RMND5A: variants seen among roughly 807,000 people sequenced by gnomAD.
The protein encoded by RMND5A is required for meiotic nuclear division 5 homolog A, also known as E3 ubiquitin-protein transferase RMND5A.
In RMND5A, 17 loss-of-function variants were observed where a neutral mutation model predicts 49.7. The observed-to-expected ratio is 0.34, with a 90% CI of 0.23 to 0.51. RMND5A has a LOEUF of 0.51. Ranked by LOEUF, RMND5A falls within the 20% of genes least tolerant of loss-of-function variation. RMND5A has a pLI of 0.96. For synonymous variants in RMND5A, 156 were observed against 167.7 expected (o/e 0.93, Z 0.54); for missense variants, 255 against 471.3 (o/e 0.54, Z 4.25).
intron 4 of RMND5A, among the ~76,000 whole-genome samples, chr2:86,758,486 A>G (rs1681786932): frequency 6.6e-6 from 1 of 152,162 alleles, no homozygotes. Context: ...GTGATGCAGC[A>G]TTGAATATCC....
In RMND5A at chr2:86,775,449, G is replaced by A. The variant is rs189444426; in HGVS notation, c.*2038G>A. 3 of 148,090 alleles carry A rather than the reference G, an allele frequency of 2.0e-5. No individual in the cohort carries two copies. Among genetic ancestry groups the A allele is most frequent in the African/African-American group, 5.0e-5 (2 of 40,214 alleles). The allele number at this position is 148,090 out of a possible 1,614,324, so 9.2% of individuals were successfully genotyped here. A position where few individuals can be genotyped will look rare whatever the true frequency, so the allele number is the denominator to read the frequency against. On this transcript the variant is annotated 3_prime_UTR_variant, in exon 9 of 9. Coordinates refer to ENST00000283632, the MANE Select transcript of RMND5A (RefSeq NM_022780.4). The stretch of plus-strand genomic sequence containing the variant: ...CCTGTAAGGTTTGAATGAGACAGAT[G>A]TACTCTGAAGGCTGGTGGTAAATGT...
chr2:86,746,322 C>A (rs939648345), intron 2 of RMND5A, among the ~76,000 whole-genome samples: 1 of 152,178 alleles, frequency 6.6e-6, no homozygotes, highest in African/African-American at 2.4e-5. Flanking sequence ...AATAAGGATT[C>A]TTTTAAATAC....
Position 86,765,126 on chromosome 2 carries a change from C to T in RMND5A, c.621C>T (p.Thr207=). 6.2e-7 allele frequency: 1 copy of T among 1,613,992 alleles called. No homozygotes were observed. The highest frequency in any genetic ancestry group is 8.5e-7 in the Non-Finnish European group (1 of 1,179,974). ...TTATTAGCTTGTTAATGGGTGGAAC[C>T]ACAAATCAGCGAGAGGCATTACAAT... ...LYFISLLMGG[T]TNQREALQYA... Residue 207 remains threonine, a synonymous_variant, in exon 5 of 9, where the codon ACC becomes ACT. Transcript: ENST00000283632.
At chr2:86,760,691 G>T (rs1240484977) in intron 4 of RMND5A, among the ~76,000 whole-genome samples, 4 of 152,158 alleles carry the variant, frequency 2.6e-5, no homozygotes, top group Non-Finnish European at 1.5e-5. Flanking sequence ...TACAAAAATG[G>T]ATAATTGGAA....
rs1055110386 is a variant in RMND5A, at chr2:86,775,880, A to G, written c.*2469A>G. 2 of 152,254 alleles carry G rather than the reference A, an allele frequency of 1.3e-5. No homozygotes were observed. The highest frequency in any genetic ancestry group is 1.5e-5 in the Non-Finnish European group (1 of 68,054). The allele number at this position is 152,254 out of a possible 1,614,324, so 9.4% of individuals were successfully genotyped here. ...CTGTCCCCCCTGCCCTAGAAACTCC[A>G]TAAATGCTGTCACAACCCTATCATC... On this transcript the variant is annotated 3_prime_UTR_variant, in exon 9 of 9. Coordinates refer to ENST00000283632, the MANE Select transcript of RMND5A (RefSeq NM_022780.4).
chr2:86,767,243 T>C (rs1372257008), intron 6 of RMND5A, among the ~76,000 whole-genome samples: 1 of 152,048 alleles, frequency 6.6e-6, no homozygotes, highest in Non-Finnish European at 1.5e-5. Context: ...TTTGTATTTT[T>C]AGTAGAGACA....
At chr2:86,744,432 G>T (rs144638636) in intron 2 of RMND5A, among the ~76,000 whole-genome samples, 1 of 152,118 alleles carries the variant, frequency 6.6e-6, no homozygotes. Flanking sequence ...TAATAAACTG[G>T]AATGTCCATC....
At chr2:86,747,160 C>A (rs557922675) in intron 2 of RMND5A, among the ~76,000 whole-genome samples, 1 of 152,334 alleles carries the variant, frequency 6.6e-6, no homozygotes, top group South Asian at 2.1e-4. Flanking sequence ...CCTGCTTCCT[C>A]ATTTCTCACC....
rs1162535127 is a variant in RMND5A at position 86,777,379 on chromosome 2, G to A, written c.*3968G>A. 4 of 152,180 alleles carry A rather than the reference G, an allele frequency of 2.6e-5. No homozygotes were observed. Among genetic ancestry groups the A allele is most frequent in the African/African-American group, 9.7e-5 (4 of 41,422 alleles). The allele number at this position is 152,180 out of a possible 1,614,324, so 9.4% of individuals were successfully genotyped here. Reference sequence around the variant, plus strand: ...AAGGGGCGGGAATGAATGTGTTGGGGCTGGGAGGGAAGCAGAAGAAAATGG... The same window carrying A: ...AAGGGGCGGGAATGAATGTGTTGGGACTGGGAGGGAAGCAGAAGAAAATGG... On this transcript the variant is annotated 3_prime_UTR_variant, in exon 9 of 9. Transcript: ENST00000283632.
chr2:86,720,904 C>G, intron 1 of RMND5A, 95 bp downstream of exon 1: 2 of 1,241,636 alleles, frequency 1.6e-6, no homozygotes, highest in Non-Finnish European at 2.1e-6. Context: ...CCTCGCGCCT[C>G]TGGCCCGGCC....
At position 86,753,889 on chromosome 2, in the gene RMND5A, C is replaced by T. The variant is rs544446450; in HGVS notation, c.521+331C>T. 5.9e-4 allele frequency among the ~76,000 whole-genome samples: 90 copies of T among 152,208 alleles called. 1 individual carries two copies. The highest frequency in any genetic ancestry group is 3.4e-3 in the Middle Eastern group (1 of 294). ...AGCCAGTGCAAGTTTGATATTTAAG[C>T]TTCCTTCATGTGCTGGGTTTTGCTG... On this transcript the variant is annotated intron_variant, in intron 4 of 8. Transcript: ENST00000283632.
chr2:86,771,656 G>C lies in RMND5A; in HGVS notation c.1056G>C (p.Leu352Phe). 6.2e-7 allele frequency: 1 copy of C among 1,613,402 alleles called. No homozygotes were observed. The highest frequency in any genetic ancestry group is 8.5e-7 in the Non-Finnish European group (1 of 1,179,664). ...CAGATAACAATCCACCCATGAAATT[G>C]GTCTGTGGTCATATTATATCAAGAG... is the stretch of plus-strand genomic sequence containing the variant. ...QTTDNNPPMK[L>F]VCGHIISRDA... Residue 352 changes from leucine to phenylalanine, a missense_variant, in exon 8 of 9, where the codon TTG becomes TTC. Coordinates refer to ENST00000283632, the MANE Select transcript of RMND5A (RefSeq NM_022780.4).
chr2:86,762,408 G>A (rs1398683337), intron 4 of RMND5A, among the ~76,000 whole-genome samples: 1 of 152,092 alleles, frequency 6.6e-6, no homozygotes, highest in East Asian at 1.9e-4. Context: ...ACTTTGGGAG[G>A]CCAAGGTGGG....
chr2:86,753,327 C>T (rs1030636698), intron 3 of RMND5A, 131 bp from the exon 4 acceptor site: 5 of 554,914 alleles, frequency 9.0e-6, no homozygotes, highest in Non-Finnish European at 1.6e-5. Context: ...AGGGGGCAGT[C>T]ATCAGTCTCT....
intron 5 of RMND5A, 53 bp downstream of exon 5, chr2:86,765,246 CT>C: frequency 6.8e-7 from 1 of 1,465,110 alleles, no homozygotes; most frequent in Non-Finnish European, 9.3e-7. Context: ...ATAGCCACCA[CT>C]GTAACTTAAC....
In RMND5A at chr2:86,721,238, G is replaced by A. The variant is rs560491946; in HGVS notation, c.142+429G>A. 16 of 174,572 alleles carry A rather than the reference G, an allele frequency of 9.2e-5. No individual in the cohort carries two copies. The South Asian group carries it at 1.6e-3, about 18-fold the overall frequency. The allele number at this position is 174,572 out of a possible 1,614,324, so 10.8% of individuals were successfully genotyped here. ...GGACCCCAGGTTCTGAGTGATGAGG[G>A]CAGTGCAGGAAGCTCCGTTTCCCCT... On this transcript the variant is annotated intron_variant, in intron 1 of 8. Coordinates refer to ENST00000283632, the MANE Select transcript of RMND5A (RefSeq NM_022780.4).
chr2:86,759,612 G>GCCC (rs144501224), intron 4 of RMND5A, among the ~76,000 whole-genome samples: 4 of 146,140 alleles, frequency 2.7e-5, no homozygotes, highest in Non-Finnish European at 6.0e-5. Flanking sequence ...TAGTTTGCTT[G>GCCC]CCCCCCCGCC....
intron 7 of RMND5A, among the ~76,000 whole-genome samples, chr2:86,770,945 ATTTG>A (rs1185794590): frequency 2.0e-5 from 3 of 152,222 alleles, no homozygotes; most frequent in African/African-American, 7.2e-5. Flanking sequence ...TAACATACGC[ATTTG>A]TTTTTTTGCC....
In RMND5A at chr2:86,751,913, T is replaced by C. The variant is rs201728271; in HGVS notation, c.303T>C (p.Ile101=). ...TTCCCCAGAATTTTGATTCTGACAT[T>C]AGCAGTGTGGGAATAGATGGCTGCT... ...KAIDKNFDSD[I]SSVGIDGCWQ... is the part of the protein sequence containing the mutation. Residue 101 remains isoleucine, a synonymous_variant, in exon 3 of 9, where the codon ATT becomes ATC. Transcript: ENST00000283632. 7.4e-6 allele frequency: 12 copies of C among 1,613,390 alleles called. No homozygotes were observed. Among genetic ancestry groups the C allele is most frequent in the African/African-American group, 1.3e-5 (1 of 74,920 alleles).
Sources: allele counts gnomAD v4.1 joint callset (sites outside exome capture counted in the v4.1 genomes callset), GRCh38; gene constraint gnomAD v4.1.1; transcripts MANE v1.5; gene names NCBI Gene and HGNC (gene_info 2026-07-23, HGNC 2026-07-21).